Variants in CPT1A observed in about 807,000 individuals in gnomAD.
CPT1A encodes the protein carnitine O-palmitoyltransferase 1, liver isoform.
In CPT1A, 64 loss-of-function variants were observed where a neutral mutation model predicts 100.8. That is an observed-to-expected ratio of 0.63 (90% CI 0.52 to 0.78). CPT1A has a LOEUF of 0.78. CPT1A is among the 30% of genes least tolerant of loss of function. The pLI is 0.00. For synonymous variants in CPT1A, 363 were observed against 396.0 expected, an observed-to-expected ratio of 0.92 and a Z score of 0.99; for missense variants, 802 against 1,034.1, an observed-to-expected ratio of 0.78 and a Z score of 3.08.
chr11:68,793,829 C>T (rs373578011), intron 8 of CPT1A, among the ~76,000 whole-genome samples: 12 of 151,904 alleles, frequency 7.9e-5, no homozygotes, highest in Admixed American at 3.9e-4. Flanking sequence ...GTTTTCTGTG[C>T]GAATTGCTTC....
upstream of CPT1A, among the ~76,000 whole-genome samples, chr11:68,843,960 T>A (rs1165309937): frequency 6.6e-6 from 1 of 152,242 alleles, no homozygotes; most frequent in Non-Finnish European, 1.5e-5. The surrounding 1 kb of genome is among the most constrained non-coding windows in gnomAD (Gnocchi z 4.0). Context: ...TCCAAGGTCA[T>A]TTCCTCCCTC....
intron 14 of CPT1A, among the ~76,000 whole-genome samples, chr11:68,763,051 C>T (rs1272254182): frequency 6.6e-6 from 1 of 152,102 alleles, no homozygotes; most frequent in Admixed American, 6.5e-5. Context: ...GGTTTCACCA[C>T]ATTGCCCAGG....
chr11:68,757,122 C>T lies in CPT1A; in HGVS notation c.*522G>A, dbSNP rs1472838476. ...TGGACCAGACGGGAACGGTTACCCA[C>T]GGTGACAAAAGCAGGTCTCCAAAGC... On this transcript the variant is annotated 3_prime_UTR_variant, in exon 19 of 19. Coordinates refer to ENST00000265641, the MANE Select transcript of CPT1A (RefSeq NM_001876.4). 2 of 195,626 alleles carry T rather than the reference C, an allele frequency of 1.0e-5. No individual in the cohort carries two copies. The highest frequency in any genetic ancestry group is 5.5e-5 in the Admixed American group (1 of 18,162). 12.1% of individuals were successfully genotyped at this position (195,626 alleles called of 1,614,324 possible).
chr11:68,812,715 A>G (rs1594360845), intron 2 of CPT1A, 139 bp from the exon 3 acceptor site: 4 of 895,894 alleles, frequency 4.5e-6, no homozygotes, highest in South Asian at 2.9e-5. Context: ...GCACTGAGAA[A>G]CCACACCCCA....
At chr11:68,767,573 G>C (rs1206182580) in intron 14 of CPT1A, among the ~76,000 whole-genome samples, 1 of 152,184 alleles carries the variant, frequency 6.6e-6, no homozygotes, top group Admixed American at 6.5e-5. Flanking sequence ...CTGGGCAAGA[G>C]TAAGACCCTG....
At chr11:68,837,583 C>T (rs757757237) in intron 1 of CPT1A, among the ~76,000 whole-genome samples, 33 of 152,166 alleles carry the variant, frequency 2.2e-4, no homozygotes, top group Non-Finnish European at 3.7e-4. Context: ...GACCCAAATG[C>T]TCCTCTGCTC....
At chr11:68,827,620 A>T (rs2154002311) in intron 1 of CPT1A, among the ~76,000 whole-genome samples, 1 of 150,316 alleles carries the variant, frequency 6.7e-6, no homozygotes, top group Non-Finnish European at 1.5e-5. Context: ...GGACTCAAGC[A>T]GTCCTTCCTC....
At position 68,755,060 on chromosome 11, in the gene CPT1A, C is replaced by A. The variant is rs1242838385; in HGVS notation, c.*2584G>T. 2 of 560,340 alleles carry A rather than the reference C, an allele frequency of 3.6e-6. No homozygotes were observed. The highest frequency in any genetic ancestry group is 3.1e-5 in the Admixed American group (1 of 32,336). The allele number at this position is 560,340 out of a possible 1,614,324, so 34.7% of individuals were successfully genotyped here. A position where few individuals can be genotyped will look rare whatever the true frequency, so the allele number is the denominator to read the frequency against. On this transcript the variant is annotated 3_prime_UTR_variant, in exon 19 of 19. Coordinates refer to ENST00000265641, the MANE Select transcript of CPT1A (RefSeq NM_001876.4). ...TTCCAATTAAATTAAACAGATAATACTCTTATCACCCCCCTTGGACATGTA... is the reference window on the plus strand; with the variant it reads ...TTCCAATTAAATTAAACAGATAATAATCTTATCACCCCCCTTGGACATGTA...
chr11:68,799,486 T>C, intron 5 of CPT1A, 131 bp from the exon 6 acceptor site: 1 of 1,002,596 alleles, frequency 1.0e-6, no homozygotes, highest in Non-Finnish European at 1.5e-6. Flanking sequence ...TGGTGGCTCA[T>C]GCTTGTAATC....
intron 10 of CPT1A, among the ~76,000 whole-genome samples, chr11:68,782,943 C>A (rs915797293): frequency 2.4e-4 from 37 of 152,308 alleles, no homozygotes; most frequent in African/African-American, 7.9e-4. Flanking sequence ...CGCCTACAGA[C>A]CCACAGGGAG....
intron 6 of CPT1A, among the ~76,000 whole-genome samples, chr11:68,797,748 C>T (rs1240669287): frequency 1.3e-5 from 2 of 152,162 alleles, no homozygotes; most frequent in African/African-American, 2.4e-5. Flanking sequence ...GAGACTGAGG[C>T]GGGCTGATCA....
At chr11:68,760,811 G>A (rs540707162) in intron 16 of CPT1A, among the ~76,000 whole-genome samples, 66 of 152,212 alleles carry the variant, frequency 4.3e-4, no homozygotes, top group African/African-American at 1.5e-3. Context: ...TCAGGAGTTC[G>A]AGACCAGCCT....
chr11:68,779,647 T>C (rs573001093), intron 12 of CPT1A, among the ~76,000 whole-genome samples: 1 of 151,788 alleles, frequency 6.6e-6, no homozygotes, highest in East Asian at 1.9e-4. Context: ...AATACAAAAA[T>C]TAGCTGGGCA....
At chr11:68,820,839 C>T (rs1401780436) in intron 1 of CPT1A, among the ~76,000 whole-genome samples, 3 of 152,184 alleles carry the variant, frequency 2.0e-5, no homozygotes, top group Non-Finnish European at 2.9e-5. Flanking sequence ...AGTTACTACA[C>T]AGTAGTACTA....
chr11:68,795,432 T>G (rs1855730582), intron 7 of CPT1A, among the ~76,000 whole-genome samples: 1 of 152,086 alleles, frequency 6.6e-6, no homozygotes, highest in Non-Finnish European at 1.5e-5. Flanking sequence ...CCTCTGTTTG[T>G]GGGAAATAAA....
At chr11:68,757,867 T>C in intron 18 of CPT1A, 137 bp from the exon 19 acceptor site, 1 of 758,566 alleles carries the variant, frequency 1.3e-6, no homozygotes, top group Non-Finnish European at 2.3e-6. Context: ...ACCAACGTCT[T>C]AAAGCTTAAC....
intron 14 of CPT1A, among the ~76,000 whole-genome samples, chr11:68,763,482 T>C (rs116481900): frequency 0.029 from 4,344 of 152,122 alleles, 195 homozygotes; most frequent in African/African-American, 0.096. Flanking sequence ...ATGGTGAGAA[T>C]GATCTGGGAG....
At position 68,757,331 on chromosome 11, in the gene CPT1A, G is replaced by A; in HGVS notation, c.*313C>T. On this transcript the variant is annotated 3_prime_UTR_variant, in exon 19 of 19. Coordinates refer to ENST00000265641, the MANE Select transcript of CPT1A (RefSeq NM_001876.4). The stretch of plus-strand genomic sequence containing the variant: ...CCATTTCCATTCCACTGTGTGTGAA[G>A]CCACAACCCTACTAATTCCTTCATT... 1 of 1,245,194 alleles carries A rather than the reference G, an allele frequency of 8.0e-7. No individual in the cohort carries two copies. Among genetic ancestry groups the A allele is most frequent in the Non-Finnish European group, 1.0e-6 (1 of 983,296 alleles). 77.1% of individuals were successfully genotyped at this position (1,245,194 alleles called of 1,614,324 possible).
chr11:68,794,942 C>T (rs1439134248), intron 7 of CPT1A, 31 bp from the exon 8 acceptor site: 2 of 1,566,034 alleles, frequency 1.3e-6, no homozygotes, highest in Admixed American at 3.3e-5. Flanking sequence ...AGAGAATTTG[C>T]ATAGGGAAAG....
Sources: gnomAD v4.1 joint callset for allele counts (sites outside exome capture counted in the v4.1 genomes callset) on GRCh38, gnomAD v4.1.1 for gene constraint, Gnocchi (gnomAD v3.1) non-coding constraint, MANE v1.5 for transcripts, NCBI Gene and HGNC (gene_info 2026-07-23, HGNC 2026-07-21) for gene names.